The following RGS7 variants were observed in gnomAD, a reference collection of about 807,000 sequenced individuals.
RGS7 encodes the protein regulator of G-protein signaling 7.
RGS7 carries 27 observed loss-of-function variants against 81.1 expected under a neutral mutation model. The ratio of observed to expected loss-of-function variants is 0.33; its 90% CI spans 0.25 to 0.46. RGS7 has a LOEUF of 0.46. Ranked by LOEUF, RGS7 falls within the 20% of genes least tolerant of loss-of-function variation. The pLI, the probability that RGS7 is intolerant of heterozygous loss-of-function variation, is 1.00. For synonymous variants in RGS7, 208 were observed against 207.7 expected, an observed-to-expected ratio of 1.00 and a Z score of -0.01; for missense variants, 396 against 607.4, an observed-to-expected ratio of 0.65 and a Z score of 3.66.
chr1:241,001,845 T>C (rs1572206260), intron 3 of RGS7, among the ~76,000 whole-genome samples: 1 of 152,164 alleles, frequency 6.6e-6, no homozygotes, highest in African/African-American at 2.4e-5. Context: ...GATATTCCAG[T>C]AGTGGATTCT....
chr1:240,866,021 C>G (rs1488591837), intron 9 of RGS7, among the ~76,000 whole-genome samples: 1 of 152,164 alleles, frequency 6.6e-6, no homozygotes, highest in Non-Finnish European at 1.5e-5. Context: ...AGCCTTTGGA[C>G]AAGTGTCAGC....
intron 2 of RGS7, among the ~76,000 whole-genome samples, chr1:241,160,155 G>T (rs1047271973): frequency 1.3e-5 from 2 of 150,246 alleles, no homozygotes; most frequent in Non-Finnish European, 3.0e-5. Context: ...AAAAGAAATA[G>T]GGTTTTCATC....
At chr1:241,331,782 T>C (rs1291593634) in intron 2 of RGS7, among the ~76,000 whole-genome samples, 1 of 152,190 alleles carries the variant, frequency 6.6e-6, no homozygotes, top group Non-Finnish European at 1.5e-5. Flanking sequence ...ACAGCTTCTA[T>C]TCAGATATCC....
rs2502439 is a variant in RGS7, at chr1:240,959,861, G to A, written c.227-23155C>T. On this transcript the variant is annotated intron_variant, in intron 4 of 18. Transcript: ENST00000440928. The stretch of plus-strand genomic sequence containing the variant: ...GTTCACGCTTAAATACATTTGGAGT[G>A]AAAAATGTCTAAAACATCCTAGGCA... 9.8e-3 allele frequency among the ~76,000 whole-genome samples: 1,486 copies of A among 152,192 alleles called. 26 individuals are homozygous for A. Among genetic ancestry groups the A allele is most frequent in the Middle Eastern group, 0.037 (11 of 294 alleles).
chr1:240,950,071 C>T (rs547601098), intron 4 of RGS7, among the ~76,000 whole-genome samples: 9 of 152,126 alleles, frequency 5.9e-5, no homozygotes, highest in Non-Finnish European at 1.3e-4. Flanking sequence ...GATCTACTTA[C>T]TTGGAGCAGA....
At chr1:241,023,938 T>G (rs1467310134) in intron 3 of RGS7, among the ~76,000 whole-genome samples, 2 of 152,120 alleles carry the variant, frequency 1.3e-5, no homozygotes, top group African/African-American at 4.8e-5. Context: ...AGAGAGGGGT[T>G]TCTCCATGTT....
intron 3 of RGS7, among the ~76,000 whole-genome samples, chr1:241,074,043 G>C (rs909880562): frequency 6.6e-6 from 1 of 152,058 alleles, no homozygotes; most frequent in Non-Finnish European, 1.5e-5. Context: ...TGAGATTACA[G>C]GCATGTGCCA....
Position 241,327,143 on chromosome 1 carries a change from AAAGG to A in RGS7, c.78+28552_78+28555del, listed in dbSNP as rs1553320949. 5.1e-4 allele frequency among the ~76,000 whole-genome samples: 41 copies of A among 80,882 alleles called. 2 individuals carry two copies. The highest frequency in any genetic ancestry group is 0.012 in the Middle Eastern group (2 of 166). The allele number at this position is 80,882 out of a possible 152,430, so 53.1% of individuals were successfully genotyped here. On this transcript the variant is annotated intron_variant, in intron 2 of 18. Transcript: ENST00000440928. Reference sequence around the variant, plus strand: ...GAAAGAAAGAAAGAAAGAAAGAAAGAAAGGAAAGAAAGAAAGAAAGAAACACACA... The same window carrying A: ...GAAAGAAAGAAAGAAAGAAAGAAAGAAAAGAAAGAAAGAAAGAAACACACA...
At chr1:240,821,662 C>T (rs973451845) in intron 10 of RGS7, among the ~76,000 whole-genome samples, 1 of 152,062 alleles carries the variant, frequency 6.6e-6, no homozygotes, top group African/African-American at 2.4e-5. Context: ...CAGCTAGAAC[C>T]ACTGGATTAT....
intron 3 of RGS7, among the ~76,000 whole-genome samples, chr1:241,046,721 A>G (rs1261222142): frequency 6.6e-6 from 1 of 152,202 alleles, no homozygotes; most frequent in Non-Finnish European, 1.5e-5. Context: ...CCCAGGTGCT[A>G]TGCATACAGA....
intron 2 of RGS7, among the ~76,000 whole-genome samples, chr1:241,322,935 GTAATC>G (rs1471362053): frequency 6.6e-6 from 1 of 152,088 alleles, no homozygotes; most frequent in African/African-American, 2.4e-5. Flanking sequence ...TTTTTATACT[GTAATC>G]TAAGAATACT....
At chr1:241,035,543 T>C (rs1471917348) in intron 3 of RGS7, among the ~76,000 whole-genome samples, 1 of 152,122 alleles carries the variant, frequency 6.6e-6, no homozygotes, top group Non-Finnish European at 1.5e-5. Flanking sequence ...TGGCTGAGAA[T>C]TCTAAGGTGT....
intron 3 of RGS7, among the ~76,000 whole-genome samples, chr1:241,009,263 A>G (rs1268822014): frequency 6.6e-6 from 1 of 152,246 alleles, no homozygotes; most frequent in Non-Finnish European, 1.5e-5. Flanking sequence ...CCAGCCTTGT[A>G]TGGAAAATAT....
intron 2 of RGS7, among the ~76,000 whole-genome samples, chr1:241,259,667 A>AAATATATATATATATAT: frequency 4.1e-5 from 2 of 49,134 alleles, no homozygotes; most frequent in African/African-American, 7.9e-5. Context: ...AAAAAAAAAA[A>AAATATATATATATATAT]ATATATATAT....
chr1:241,181,499 G>A (rs562794756), intron 2 of RGS7, among the ~76,000 whole-genome samples: 1 of 152,282 alleles, frequency 6.6e-6, no homozygotes, highest in East Asian at 1.9e-4. Flanking sequence ...TTCAATAAAT[G>A]CCAGCTATTA....
At chr1:241,241,928 C>G (rs539346291) in intron 2 of RGS7, among the ~76,000 whole-genome samples, 22 of 129,830 alleles carry the variant, frequency 1.7e-4, no homozygotes, top group African/African-American at 6.5e-4. Flanking sequence ...CTCTTTCACT[C>G]TCTTTTTGTG....
intron 16 of RGS7, among the ~76,000 whole-genome samples, chr1:240,801,969 G>C (rs1016121964): frequency 6.6e-6 from 1 of 152,086 alleles, no homozygotes; most frequent in Non-Finnish European, 1.5e-5. Context: ...GTCCAATACA[G>C]AAGCCCCTAG....
intron 10 of RGS7, among the ~76,000 whole-genome samples, chr1:240,822,541 A>G (rs1298667706): frequency 6.6e-6 from 1 of 152,244 alleles, no homozygotes; most frequent in Non-Finnish European, 1.5e-5. Context: ...ATGATAAACT[A>G]TTAAACTTCT....
At chr1:240,940,297 A>G (rs1295094147) in intron 4 of RGS7, among the ~76,000 whole-genome samples, 1 of 152,022 alleles carries the variant, frequency 6.6e-6, no homozygotes, top group Non-Finnish European at 1.5e-5. Context: ...CAGACTTCAC[A>G]CTCTTGTGAA....
Sources: gnomAD v4.1 joint callset for allele counts (sites outside exome capture counted in the v4.1 genomes callset) on GRCh38, gnomAD v4.1.1 for gene constraint, MANE v1.5 for transcripts, NCBI Gene and HGNC (gene_info 2026-07-23, HGNC 2026-07-21) for gene names.